Variants in CACNA1C observed in about 807,000 individuals in gnomAD.
CACNA1C encodes calcium voltage-gated channel subunit alpha1 C, also known as voltage-dependent L-type calcium channel subunit alpha-1C.
A neutral mutation model predicts 229.0 loss-of-function variants in CACNA1C; 30 were observed. That is an observed-to-expected ratio of 0.13 (90% CI 0.10 to 0.18). CACNA1C has a LOEUF of 0.18. Among genes scored for constraint, CACNA1C ranks in the 10% least tolerant of loss-of-function variants. The pLI is 1.00. For missense variants in CACNA1C, 1,658 were observed against 2,845.0 expected (o/e 0.58, Z 9.49); for synonymous variants, 1,114 against 1,132.5 (o/e 0.98, Z 0.33).
At chr12:2,451,355 A>G (rs1312974366) in intron 4 of CACNA1C, among the ~76,000 whole-genome samples, 2 of 152,226 alleles carry the variant, frequency 1.3e-5, no homozygotes, top group East Asian at 3.9e-4. Context: ...TCTTTTGCAC[A>G]TGCATAGAAA....
intron 1 of CACNA1C, among the ~76,000 whole-genome samples, chr12:2,085,630 C>T (rs1055358642): frequency 1.3e-5 from 2 of 152,140 alleles, no homozygotes; most frequent in Non-Finnish European, 2.9e-5. Flanking sequence ...TAATACACCC[C>T]TCGGACTCTG....
chr12:2,451,997 T>C (rs1475020059), intron 4 of CACNA1C, among the ~76,000 whole-genome samples: 1 of 152,204 alleles, frequency 6.6e-6, no homozygotes, highest in African/African-American at 2.4e-5. Context: ...CTTCAGCTCA[T>C]CTCCTTTTTC....
At chr12:2,658,840 T>G (rs1019198041) in intron 34 of CACNA1C, among the ~76,000 whole-genome samples, 7 of 72,960 alleles carry the variant, frequency 9.6e-5, no homozygotes, top group Non-Finnish European at 2.3e-4. Context: ...TGTCTCAGCT[T>G]TTAACAAAAA....
rs1205146256 is a variant in CACNA1C at position 2,653,017 on chromosome 12, G to T, written c.4075-818G>T. Reference sequence around the variant, plus strand: ...CTCTGACGGCACCCTCTAGTGACCGGTGGCCACGGCTGAAGCGGCGCCCGG... The same window carrying T: ...CTCTGACGGCACCCTCTAGTGACCGTTGGCCACGGCTGAAGCGGCGCCCGG... On this transcript the variant is annotated intron_variant, in intron 32 of 46. Coordinates refer to ENST00000399655, the MANE Select transcript of CACNA1C (RefSeq NM_000719.7). The surrounding 1 kb of genome is among the most constrained non-coding windows in gnomAD (Gnocchi z 4.7). Among the ~76,000 whole-genome samples, 1 of 152,214 alleles carries T rather than the reference G, an allele frequency of 6.6e-6. No homozygotes were observed. Among genetic ancestry groups the T allele is most frequent in the Non-Finnish European group, 1.5e-5 (1 of 68,028 alleles).
intron 3 of CACNA1C, among the ~76,000 whole-genome samples, chr12:2,221,269 G>A (rs182881532): frequency 1.3e-4 from 20 of 152,282 alleles, no homozygotes; most frequent in Admixed American, 1.0e-3. Context: ...GGAGGGTGAC[G>A]TGTCTTTTTT....
At chr12:2,050,809 A>C (rs1485789569), upstream of CACNA1C, among the ~76,000 whole-genome samples, 1 of 152,230 alleles carries the variant, frequency 6.6e-6, no homozygotes, top group Non-Finnish European at 1.5e-5. Flanking sequence ...CAAAGGAAGG[A>C]AACAGGAGTG....
chr12:2,688,778 C>T lies in CACNA1C; in HGVS notation c.6116C>T (p.Ala2039Val), dbSNP rs549476254. 4.6e-6 allele frequency: 7 copies of T among 1,518,952 alleles called. No individual in the cohort carries two copies. Among genetic ancestry groups the T allele is most frequent in the African/African-American group, 2.8e-5 (2 of 72,594 alleles). The allele number at this position is 1,518,952 out of a possible 1,614,324, so 94.1% of individuals were successfully genotyped here. A position where few individuals can be genotyped will look rare whatever the true frequency, so the allele number is the denominator to read the frequency against. Residue 2039 changes from alanine to valine, a missense_variant and splice_region_variant, in exon 46 of 47, where the codon GCG (alanine) becomes GTG (valine). Transcript: ENST00000399655. Reference sequence around the variant, plus strand: ...GGCAGTGCCAGCAGCCTGGTGGAAGCGGTAGGTGACTCGCAGATGGGCAGG... The same window carrying T: ...GGCAGTGCCAGCAGCCTGGTGGAAGTGGTAGGTGACTCGCAGATGGGCAGG... Reference protein sequence around the residue: ...FHGSASSLVEAVLISEGLGQF... With the variant: ...FHGSASSLVEVVLISEGLGQF...
At chr12:2,560,848 T>TAA (rs36012443) in intron 11 of CACNA1C, among the ~76,000 whole-genome samples, 60,507 of 112,686 alleles carry the variant, frequency 0.54, 17,397 homozygotes, top group Non-Finnish European at 0.63. Flanking sequence ...TTGGTTCTGG[T>TAA]AAAAAAAAAA....
At chr12:2,200,784 G>A (rs1451581025) in intron 3 of CACNA1C, among the ~76,000 whole-genome samples, 2 of 152,146 alleles carry the variant, frequency 1.3e-5, no homozygotes, top group East Asian at 3.9e-4. Context: ...TATGAGCTGG[G>A]ACCCCTCCAG....
At chr12:2,174,033 C>T (rs2096572224) in intron 3 of CACNA1C, among the ~76,000 whole-genome samples, 1 of 152,080 alleles carries the variant, frequency 6.6e-6, no homozygotes, top group Non-Finnish European at 1.5e-5. Flanking sequence ...ATACTTCCCA[C>T]ACAAGTTCAC....
At chr12:2,541,288 C>T (rs1404175493) in intron 9 of CACNA1C, among the ~76,000 whole-genome samples, 1 of 152,156 alleles carries the variant, frequency 6.6e-6, no homozygotes, top group Non-Finnish European at 1.5e-5. Flanking sequence ...TTTTAGATAC[C>T]AGATTGGAGT....
At chr12:2,199,741 C>T (rs1399846503) in intron 3 of CACNA1C, among the ~76,000 whole-genome samples, 4 of 152,132 alleles carry the variant, frequency 2.6e-5, no homozygotes, top group Non-Finnish European at 4.4e-5. Context: ...GGTCCCAGAG[C>T]ATGGGTTACC....
chr12:2,492,006 G>C lies in CACNA1C; in HGVS notation c.917-1184G>C, dbSNP rs934386461. Among the ~76,000 whole-genome samples the C allele has an allele frequency of 3.3e-5, 5 of 150,496 alleles. No individual in the cohort carries two copies. In the East Asian group the frequency reaches 9.7e-4, roughly 29 times the overall value. On this transcript the variant is annotated intron_variant, in intron 6 of 46. Transcript: ENST00000399655. ...TCTCTCTCTCTCTCTCTTTGGAAGT[G>C]TATTTTCATTGTTATAGGCAATCAT... is the stretch of plus-strand genomic sequence containing the variant.
intron 37 of CACNA1C, among the ~76,000 whole-genome samples, chr12:2,667,224 C>T (rs1193821491): frequency 9.9e-6 from 1 of 101,228 alleles, no homozygotes; most frequent in Non-Finnish European, 1.8e-5. Flanking sequence ...CTTAGTGAGA[C>T]CATGACCCAA....
Position 2,632,668 on chromosome 12 carries a change from C to G in CACNA1C, c.3829-1629C>G, listed in dbSNP as rs2091037718. On this transcript the variant is annotated intron_variant, in intron 29 of 46. Transcript: ENST00000399655. This position sits in a 1 kb window ranked among gnomAD's most constrained non-coding sequence, Gnocchi z 4.1. ...AATCTCTCCTTCAGGGCACCACTGT[C>G]TTCATCCCCTTCTAGGCAGCCAGCC... Among the ~76,000 whole-genome samples the G allele has an allele frequency of 6.6e-6, 1 of 152,192 alleles. No homozygotes were observed. Among genetic ancestry groups the G allele is most frequent in the Admixed American group, 6.5e-5 (1 of 15,286 alleles).
chr12:2,412,559 T>A (rs1336241770), intron 3 of CACNA1C, among the ~76,000 whole-genome samples: 1 of 152,252 alleles, frequency 6.6e-6, no homozygotes, highest in Non-Finnish European at 1.5e-5. Context: ...GAAAGCACAT[T>A]GAGCTGCGAG....
At chr12:2,028,922 G>A (rs146150138) in intron 1 of CACNA1C, among the ~76,000 whole-genome samples, 2 of 152,210 alleles carry the variant, frequency 1.3e-5, no homozygotes, top group Admixed American at 6.5e-5. Flanking sequence ...GTTTCCGTTA[G>A]ATACTCTGTA....
At position 2,666,805 on chromosome 12, in the gene CACNA1C, G is replaced by T; in HGVS notation, c.4623+23G>T. On this transcript the variant is annotated intron_variant, in intron 37 of 46. Coordinates refer to ENST00000399655, the MANE Select transcript of CACNA1C (RefSeq NM_000719.7). The surrounding 1 kb of genome is among the most constrained non-coding windows in gnomAD (Gnocchi z 5.3). ...AAAGTAAGAGATAACGGGGTTCATGGGAGGGAGAGGGAAAATAGGGGAAGT... is the reference window on the plus strand; with the variant it reads ...AAAGTAAGAGATAACGGGGTTCATGTGAGGGAGAGGGAAAATAGGGGAAGT... The T allele has an allele frequency of 1.4e-6, 2 of 1,416,394 alleles. No homozygotes were observed. The highest frequency in any genetic ancestry group is 9.8e-7 in the Non-Finnish European group (1 of 1,016,480). 87.7% of individuals were successfully genotyped at this position (1,416,394 alleles called of 1,614,324 possible).
At chr12:2,002,992 C>G (rs1172243085) in intron 1 of CACNA1C, among the ~76,000 whole-genome samples, 2 of 152,120 alleles carry the variant, frequency 1.3e-5, no homozygotes, top group Admixed American at 6.5e-5. Flanking sequence ...TCAAGAGGTA[C>G]ACTTTCTATT....
Sources: gnomAD v4.1 joint callset for allele counts (sites outside exome capture counted in the v4.1 genomes callset) on GRCh38, gnomAD v4.1.1 for gene constraint, Gnocchi (gnomAD v3.1) non-coding constraint, MANE v1.5 for transcripts, NCBI Gene and HGNC (gene_info 2026-07-23, HGNC 2026-07-21) for gene names.